The following NAIP variants were observed in gnomAD, a reference collection of about 807,000 sequenced individuals.
NAIP encodes baculoviral IAP repeat-containing protein 1.
A neutral mutation model predicts 23.0 loss-of-function variants in NAIP; 15 were observed. The observed-to-expected ratio is 0.65, with a 90% CI of 0.44 to 1.00. The LOEUF is 1.00. Among genes scored for constraint, NAIP ranks in the 50% least tolerant of loss-of-function variants. The pLI is 0.00. For missense variants in NAIP, 265 were observed against 278.8 expected (o/e 0.95, Z 0.35); for synonymous variants, 100 against 100.2 (o/e 1.00, Z 0.01).
chr5:71,010,154 C>CTGGA (rs1425326098), intron 5 of NAIP, among the ~76,000 whole-genome samples: 3 of 151,736 alleles, frequency 2.0e-5, no homozygotes, highest in Non-Finnish European at 4.4e-5. Flanking sequence ...GTCACCCAGG[C>CTGGA]TGGAGCACAG....
intron 4 of NAIP, 65 bp from the exon 5 acceptor site, chr5:71,011,439 G>A: frequency 7.6e-7 from 1 of 1,319,436 alleles, no homozygotes; most frequent in Non-Finnish European, 1.1e-6. Context: ...ACACAGAGTT[G>A]ATTGTTTTGT....
intron 3 of NAIP, among the ~76,000 whole-genome samples, chr5:71,014,343 C>A (rs1751331604): frequency 6.6e-6 from 1 of 151,410 alleles, no homozygotes; most frequent in African/African-American, 2.4e-5. Context: ...AGTGATCCGC[C>A]TGCCTTGGCT....
At chr5:71,011,603 G>A in intron 4 of NAIP, 3 of 546,668 alleles carry the variant, frequency 5.5e-6, no homozygotes, top group South Asian at 2.5e-5. Context: ...TCCTGCCCCA[G>A]CTGCCCCCCA....
intron 3 of NAIP, among the ~76,000 whole-genome samples, chr5:71,015,145 G>A (rs546440074): frequency 4.0e-5 from 6 of 151,738 alleles, no homozygotes; most frequent in African/African-American, 1.2e-4. Flanking sequence ...GGGAGGCCAA[G>A]GTGGGAGGAT....
chr5:71,013,618 T>C (rs992616835), intron 3 of NAIP, among the ~76,000 whole-genome samples: 2 of 135,740 alleles, frequency 1.5e-5, no homozygotes, highest in African/African-American at 2.8e-5. Context: ...CCAGCCTGGG[T>C]GACAGAGCAA....
rs1393471247 is a variant in NAIP at position 70,978,146 on chromosome 5, TA to T, written c.3443-1089del. On this transcript the variant is annotated intron_variant, in intron 13 of 16. Coordinates refer to ENST00000517649, the MANE Select transcript of NAIP (RefSeq NM_004536.3). ...ACACACACACATATATATATATATA[TA>T]TATTTTTTTTTTTTTTTTTTTTGAG... Among the ~76,000 whole-genome samples the T allele has an allele frequency of 8.5e-3, 345 of 40,490 alleles. 11 individuals are homozygous for T. Among genetic ancestry groups the T allele is most frequent in the Non-Finnish European group, 0.02 (293 of 14,384 alleles). The allele number at this position is 40,490 out of a possible 152,430, so 26.6% of individuals were successfully genotyped here. A position where few individuals can be genotyped will look rare whatever the true frequency, so the allele number is the denominator to read the frequency against.
chr5:70,997,421 G>A lies in NAIP; in HGVS notation c.1022+1303C>T, dbSNP rs1225919213. ...TGCACTCCAGCCTGAGTGACAGAGT[G>A]AGACTCTGTGTGAGAAAAAAAAAAA... On this transcript the variant is annotated intron_variant, in intron 9 of 16. Coordinates refer to ENST00000517649, the MANE Select transcript of NAIP (RefSeq NM_004536.3). Among the ~76,000 whole-genome samples, 2 of 25,300 alleles carry A rather than the reference G, an allele frequency of 7.9e-5. 1 individual carries two copies. The highest frequency in any genetic ancestry group is 1.9e-4 in the Non-Finnish European group (2 of 10,566). 16.6% of individuals were successfully genotyped at this position (25,300 alleles called of 152,430 possible). A position where few individuals can be genotyped will look rare whatever the true frequency, so the allele number is the denominator to read the frequency against.
Position 71,011,318 on chromosome 5 carries a change from C to T in NAIP, c.625G>A (p.Glu209Lys), listed in dbSNP as rs1751144712. ...TGTTCCTTCCAAGGATCATCTCCTT[C>T]TTCCCAATTTCCTAAACATCCACCA... ...SCGGCLGNWE[E>K]GDDPWKEHAK... The change falls in exon 5 of 17, where the codon GAA becomes AAA. Residue 209 changes from glutamate (E) to lysine (K), a missense_variant. By Grantham distance (56) the Glu-to-Lys change is moderately conservative (BLOSUM62 1). Around this residue, in one of 2 missense-constraint regions of NAIP, gnomAD observed 261 missense variants for 259.2 expected, o/e 1.01. Coordinates refer to ENST00000517649, the MANE Select transcript of NAIP (RefSeq NM_004536.3). 1 of 1,607,098 alleles carries T rather than the reference C, an allele frequency of 6.2e-7. No homozygotes were observed. Among genetic ancestry groups the T allele is most frequent in the Non-Finnish European group, 8.5e-7 (1 of 1,176,090 alleles).
intron 5 of NAIP, among the ~76,000 whole-genome samples, chr5:71,010,557 G>A (rs774828777): frequency 3.3e-5 from 5 of 150,916 alleles, no homozygotes; most frequent in African/African-American, 4.9e-5. Context: ...GTGAGCCACC[G>A]CGCCTGGCCA....
Position 71,012,728 on chromosome 5 carries a change from C to G in NAIP, c.188G>C (p.Arg63Thr). The change falls in exon 4 of 17, where the codon AGG becomes ACG. Residue 63 changes from arginine to threonine, a missense_variant. Arg to Thr is a moderately conservative substitution (Grantham distance 71, BLOSUM62 -1). Around this residue, in one of 2 missense-constraint regions of NAIP, gnomAD observed 261 missense variants for 259.2 expected, o/e 1.01. Transcript: ENST00000517649. ...YNSQMRSEAK[R>T]LKTFVTYEPY... Reference sequence around the variant, plus strand: ...CTCATAAGTCACAAAAGTCTTTAACCTTTTTGCTTCACTGCGCATTTGAGA... The same window carrying G: ...CTCATAAGTCACAAAAGTCTTTAACGTTTTTGCTTCACTGCGCATTTGAGA... 1 of 1,611,808 alleles carries G rather than the reference C, an allele frequency of 6.2e-7. No individual in the cohort carries two copies.
At chr5:70,978,136 T>C (rs192949650) in intron 13 of NAIP, among the ~76,000 whole-genome samples, 655 of 44,650 alleles carry the variant, frequency 0.015, 21 homozygotes, top group African/African-American at 0.034. Context: ...CACACATATA[T>C]ATATATATAT....
intron 5 of NAIP, among the ~76,000 whole-genome samples, chr5:71,009,867 A>G (rs1397560539): frequency 6.6e-6 from 1 of 151,506 alleles, no homozygotes; most frequent in East Asian, 1.9e-4. Flanking sequence ...GGTAGAAACA[A>G]AGAAAGTCAT....
chr5:71,007,962 G>C (rs1279919004), intron 5 of NAIP, among the ~76,000 whole-genome samples: 4 of 136,234 alleles, frequency 2.9e-5, no homozygotes, highest in Non-Finnish European at 4.8e-5. Context: ...GAAGAGGGGA[G>C]AGGAGAGTTC....
At chr5:71,016,170 T>TG in intron 3 of NAIP, among the ~76,000 whole-genome samples, 1 of 150,560 alleles carries the variant, frequency 6.6e-6, no homozygotes, top group East Asian at 2.0e-4. Flanking sequence ...GGCATGTGCC[T>TG]GTAGTCCTAA....
intron 16 of NAIP, among the ~76,000 whole-genome samples, chr5:70,973,011 C>T (rs1260308638): frequency 6.9e-6 from 1 of 145,502 alleles, no homozygotes; most frequent in East Asian, 2.1e-4. Context: ...CACCATTCTC[C>T]TGCCTCAGCC....
chr5:71,014,859 C>G (rs145593182), intron 3 of NAIP, among the ~76,000 whole-genome samples: 1 of 151,516 alleles, frequency 6.6e-6, no homozygotes, highest in Admixed American at 6.6e-5. Context: ...GCCAAGATCT[C>G]GCCATTGCAC....
At chr5:70,996,285 AAAAAG>A (rs1750661059) in intron 9 of NAIP, among the ~76,000 whole-genome samples, 1 of 43,782 alleles carries the variant, frequency 2.3e-5, no homozygotes, top group African/African-American at 6.4e-5. Context: ...AAAAAAAAAG[AAAAAG>A]AAAAAAAAAA....
intron 3 of NAIP, among the ~76,000 whole-genome samples, chr5:71,013,762 G>T (rs1751290092): frequency 6.6e-6 from 1 of 151,374 alleles, no homozygotes. Flanking sequence ...TCCCTGAGGG[G>T]CAGTCACGGG....
In NAIP at chr5:71,013,071, T is replaced by G. The variant is rs1234152673; in HGVS notation, c.-3-153A>C. Among the ~76,000 whole-genome samples the G allele has an allele frequency of 2.6e-5, 4 of 151,700 alleles. No individual in the cohort carries two copies. In the East Asian group the frequency reaches 7.8e-4, roughly 29 times the overall value. On this transcript the variant is annotated intron_variant, in intron 3 of 16. Transcript: ENST00000517649. Reference sequence around the variant, plus strand: ...TTGGAAAATTATGAAACATCAGTATTCATCTACTTAATCAACAAATATTTA... The same window carrying G: ...TTGGAAAATTATGAAACATCAGTATGCATCTACTTAATCAACAAATATTTA...
Sources: allele counts gnomAD v4.1 joint callset (sites outside exome capture counted in the v4.1 genomes callset), GRCh38; gene constraint gnomAD v4.1.1; regional missense constraint gnomAD v4.1.1; transcripts MANE v1.5; gene names NCBI Gene and HGNC (gene_info 2026-07-23, HGNC 2026-07-21).